VTA1: variants seen among roughly 807,000 people sequenced by gnomAD.
The protein encoded by VTA1 is vesicle trafficking 1.
A neutral mutation model predicts 36.9 loss-of-function variants in VTA1; 24 were observed. The observed-to-expected ratio is 0.65, with a 90% CI of 0.47 to 0.91. The LOEUF is 0.91. VTA1 is among the 40% of genes least tolerant of loss of function. The pLI, the probability that VTA1 is intolerant of heterozygous loss-of-function variation, is 0.00. For missense variants in VTA1, 393 were observed against 377.2 expected (o/e 1.04, Z -0.35); for synonymous variants, 142 against 130.2 (o/e 1.09, Z -0.62).
At chr6:142,183,244 G>A (rs1176233981) in intron 4 of VTA1, among the ~76,000 whole-genome samples, 1 of 152,162 alleles carries the variant, frequency 6.6e-6, no homozygotes, top group Non-Finnish European at 1.5e-5. Flanking sequence ...TGCCTAGGAT[G>A]GGTTCAATAT....
In VTA1 at chr6:142,152,544, T is replaced by A. The variant is rs1033179040; in HGVS notation, c.112+5145T>A. The stretch of plus-strand genomic sequence containing the variant: ...TCTTCCTCATTATGGCAATAAATAA[T>A]ATTAATACATAAATATTTGATTTAA... On this transcript the variant is annotated intron_variant, in intron 1 of 7. Coordinates refer to ENST00000367630, the MANE Select transcript of VTA1 (RefSeq NM_016485.5). Among the ~76,000 whole-genome samples the A allele has an allele frequency of 1.5e-4, 23 of 152,216 alleles. No individual in the cohort carries two copies. In the South Asian group the frequency reaches 2.7e-3, roughly 18 times the overall value.
chr6:142,173,595 G>T (rs1250332538), intron 4 of VTA1, among the ~76,000 whole-genome samples: 2 of 152,174 alleles, frequency 1.3e-5, no homozygotes, highest in African/African-American at 4.8e-5. Context: ...AGTTATAACT[G>T]CTAACAATGG....
intron 1 of VTA1, among the ~76,000 whole-genome samples, chr6:142,152,959 T>C (rs750311515): frequency 3.1e-4 from 47 of 152,290 alleles, no homozygotes; most frequent in South Asian, 1.0e-3. Context: ...ACTAACTTAC[T>C]GACTCAGTGC....
Position 142,189,475 on chromosome 6 carries a change from A to G in VTA1, c.461A>G (p.Asn154Ser), listed in dbSNP as rs1379777872. 6.2e-7 allele frequency: 1 copy of G among 1,614,106 alleles called. No individual in the cohort carries two copies. The highest frequency in any genetic ancestry group is 8.5e-7 in the Non-Finnish European group (1 of 1,179,992). The change falls in exon 5 of 8, where the codon AAT becomes AGT. Residue 154 changes from asparagine (N) to serine (S), a missense_variant. By Grantham distance (46) the Asn-to-Ser change is conservative. Transcript: ENST00000367630. ...YARWKATYIH[N>S]CLKNGETPQA... ...AGATGGAAGGCAACATACATCCATA[A>G]TTGTTTAAAGAATGGGGAGACTCCT...
intron 6 of VTA1, among the ~76,000 whole-genome samples, chr6:142,201,946 T>C (rs915143259): frequency 2.0e-5 from 3 of 152,024 alleles, no homozygotes; most frequent in Non-Finnish European, 2.9e-5. Flanking sequence ...GAGATTTGTT[T>C]GGAGGATTTT....
At chr6:142,147,673 C>G (rs528100372) in intron 1 of VTA1, among the ~76,000 whole-genome samples, 1 of 152,220 alleles carries the variant, frequency 6.6e-6, no homozygotes, top group Non-Finnish European at 1.5e-5. Context: ...CCAAGGTTTT[C>G]TCTGTGTGTG....
At chr6:142,188,221 A>ATTTTTTTT (rs1775383419) in intron 4 of VTA1, among the ~76,000 whole-genome samples, 1 of 58,718 alleles carries the variant, frequency 1.7e-5, no homozygotes, top group Non-Finnish European at 3.7e-5. Context: ...CTATTTCTTT[A>ATTTTTTTT]TTTCTTTTTT....
chr6:142,196,282 A>T lies in VTA1; in HGVS notation c.521-2157A>T, dbSNP rs984765879. Among the ~76,000 whole-genome samples, 6 of 152,090 alleles carry T rather than the reference A, an allele frequency of 3.9e-5. No individual in the cohort carries two copies. The East Asian group carries it at 1.2e-3, about 29-fold the overall frequency. ...TAATCCTTATGAAATGGTCCTTTTT[A>T]TCTCAGCTAATATTCCTTGTCATTG... On this transcript the variant is annotated intron_variant, in intron 5 of 7. Coordinates refer to ENST00000367630, the MANE Select transcript of VTA1 (RefSeq NM_016485.5).
chr6:142,216,720 A>C lies in VTA1; in HGVS notation c.779-1778A>C, dbSNP rs1024999256. Among the ~76,000 whole-genome samples the C allele has an allele frequency of 2.0e-4, 30 of 152,192 alleles. 1 individual carries two copies. Among genetic ancestry groups the C allele is most frequent in the Admixed American group, 1.9e-3 (29 of 15,274 alleles). On this transcript the variant is annotated intron_variant, in intron 7 of 7. Coordinates refer to ENST00000367630, the MANE Select transcript of VTA1 (RefSeq NM_016485.5). Reference sequence around the variant, plus strand: ...GTTTATAAAACAAAAATAGTAACAGAGTTCTTGCCATTATACACGTTTTAC... The same window carrying C: ...GTTTATAAAACAAAAATAGTAACAGCGTTCTTGCCATTATACACGTTTTAC...
At chr6:142,181,083 A>AG (rs1281671113) in intron 4 of VTA1, among the ~76,000 whole-genome samples, 2 of 66,814 alleles carry the variant, frequency 3.0e-5, no homozygotes, top group Non-Finnish European at 5.6e-5. Context: ...GTACAGAAAA[A>AG]AAAAAAAAAA....
intron 4 of VTA1, among the ~76,000 whole-genome samples, chr6:142,172,348 A>T (rs1331326378): frequency 6.6e-6 from 1 of 152,162 alleles, no homozygotes; most frequent in Non-Finnish European, 1.5e-5. Context: ...CTTTAATTTC[A>T]AAACATGGAG....
intron 1 of VTA1, among the ~76,000 whole-genome samples, chr6:142,154,125 T>A (rs1365343934): frequency 1.3e-5 from 2 of 151,982 alleles, no homozygotes; most frequent in Admixed American, 6.5e-5. Context: ...TTCCCCTTGT[T>A]GCCCTTTTAT....
At position 142,221,651 on chromosome 6, in the gene VTA1, T is replaced by C. The variant is rs1776112214; in HGVS notation, c.*3008T>C. On this transcript the variant is annotated 3_prime_UTR_variant, in exon 8 of 8. Transcript: ENST00000367630. ...GTAAGGGAGGAAGCTGGGAGACCAG[T>C]TAAAAAGAGTATTAACAATAGGCCG... 6.6e-6 allele frequency: 1 copy of C among 151,708 alleles called. No homozygotes were observed. The highest frequency in any genetic ancestry group is 1.5e-5 in the Non-Finnish European group (1 of 67,936). The allele number at this position is 151,708 out of a possible 1,614,324, so 9.4% of individuals were successfully genotyped here. A position where few individuals can be genotyped will look rare whatever the true frequency, so the allele number is the denominator to read the frequency against.
At chr6:142,213,412 G>A (rs992372256) in intron 7 of VTA1, among the ~76,000 whole-genome samples, 4 of 152,194 alleles carry the variant, frequency 2.6e-5, no homozygotes, top group Admixed American at 2.6e-4. Context: ...GAGTGCCTGT[G>A]ACTTTTCCAG....
intron 5 of VTA1, among the ~76,000 whole-genome samples, chr6:142,189,880 C>T (rs1229226772): frequency 6.6e-6 from 1 of 152,048 alleles, no homozygotes; most frequent in Non-Finnish European, 1.5e-5. Flanking sequence ...CCTCAGCCTC[C>T]CGAGTAGCTG....
intron 4 of VTA1, among the ~76,000 whole-genome samples, chr6:142,183,101 A>G (rs999161139): frequency 6.6e-6 from 1 of 152,208 alleles, no homozygotes; most frequent in Non-Finnish European, 1.5e-5. Flanking sequence ...ATAGGCGTCA[A>G]GGAAGATGGC....
intron 6 of VTA1, among the ~76,000 whole-genome samples, chr6:142,201,125 A>G (rs1247051085): frequency 1.3e-5 from 2 of 151,828 alleles, no homozygotes; most frequent in African/African-American, 2.4e-5. Context: ...CTGATAGTAT[A>G]TTTCCCTTTA....
At chr6:142,173,255 T>C (rs905352143) in intron 4 of VTA1, among the ~76,000 whole-genome samples, 2 of 152,184 alleles carry the variant, frequency 1.3e-5, no homozygotes, top group Non-Finnish European at 2.9e-5. Flanking sequence ...ACTAAATAAA[T>C]ACCCTTGGTA....
intron 4 of VTA1, among the ~76,000 whole-genome samples, chr6:142,180,259 G>A (rs974210175): frequency 6.6e-6 from 1 of 152,194 alleles, no homozygotes; most frequent in Middle Eastern, 3.2e-3. Context: ...GTGACAGAAA[G>A]GAGGAAAGTG....
Sources: gnomAD v4.1 joint callset for allele counts (sites outside exome capture counted in the v4.1 genomes callset) on GRCh38, gnomAD v4.1.1 for gene constraint, MANE v1.5 for transcripts, NCBI Gene and HGNC (gene_info 2026-07-23, HGNC 2026-07-21) for gene names.